CNBD2: variants seen among roughly 807,000 people sequenced by gnomAD.
The protein encoded by CNBD2 is cyclic nucleotide binding domain containing 2, also known as cyclic nucleotide-binding domain-containing protein 2.
A neutral mutation model predicts 63.7 loss-of-function variants in CNBD2; 64 were observed. The ratio of observed to expected loss-of-function variants is 1.00; its 90% CI spans 0.82 to 1.24. The LOEUF is 1.24. Among genes scored for constraint, CNBD2 ranks in the 50% most tolerant of loss-of-function variants. The probability of loss-of-function intolerance (pLI) is 0.00; values close to 1 mark genes in which losing one functional copy is unlikely to be tolerated. For missense variants in CNBD2, 691 were observed against 713.5 expected (o/e 0.97, Z 0.36); for synonymous variants, 229 against 255.4 (o/e 0.90, Z 0.99).
At chr20:36,011,408 C>A in intron 10 of CNBD2, 151 bp downstream of exon 10, 3 of 1,039,896 alleles carry the variant, frequency 2.9e-6, no homozygotes, top group Non-Finnish European at 3.8e-6. Context: ...AAGAATAGGC[C>A]GGGCGCGGTG....
chr20:35,984,670 T>C lies in CNBD2; in HGVS notation c.608T>C (p.Val203Ala). Reference protein sequence around the residue: ...LHASVRRSTIVCMEETEFLVV... With the variant: ...LHASVRRSTIACMEETEFLVV... ...GCTTCAGTGAGGAGGTCCACCATCG[T>C]CTGTATGGAAGAAACGGAGTTCCTG... Residue 203 changes from valine (V) to alanine (A), a missense_variant, in exon 6 of 12, where the codon GTC becomes GCC. By Grantham distance (64) the Val-to-Ala change is moderately conservative (BLOSUM62 0). Transcript: ENST00000373973. 1 of 1,614,166 alleles carries C rather than the reference T, an allele frequency of 6.2e-7. No individual in the cohort carries two copies. The highest frequency in any genetic ancestry group is 8.5e-7 in the Non-Finnish European group (1 of 1,180,024).
intron 8 of CNBD2, among the ~76,000 whole-genome samples, chr20:36,006,162 G>C (rs902027191): frequency 2.6e-5 from 4 of 151,126 alleles, no homozygotes; most frequent in Non-Finnish European, 5.9e-5. Flanking sequence ...TGGAGTAGCT[G>C]GGATTACAGG....
chr20:36,011,899 A>G (rs1421184129), intron 10 of CNBD2, among the ~76,000 whole-genome samples: 2 of 152,214 alleles, frequency 1.3e-5, no homozygotes, highest in East Asian at 3.9e-4. Context: ...AGCTGGGCAC[A>G]GTAGCCCCAG....
chr20:35,979,813 G>A (rs555196461), intron 3 of CNBD2, among the ~76,000 whole-genome samples: 12 of 152,294 alleles, frequency 7.9e-5, no homozygotes, highest in African/African-American at 2.2e-4. Flanking sequence ...AGACAGAGCC[G>A]AGCTTAGCAC....
upstream of CNBD2, among the ~76,000 whole-genome samples, chr20:35,967,105 C>A (rs1346496713): frequency 6.6e-6 from 1 of 152,136 alleles, no homozygotes; most frequent in African/African-American, 2.4e-5. Context: ...GAGACAAGGC[C>A]ACTTTACAAC....
At chr20:36,019,032 C>T (rs2794378) in intron 10 of CNBD2, among the ~76,000 whole-genome samples, 4,943 of 152,190 alleles carry the variant, frequency 0.032, 281 homozygotes, top group African/African-American at 0.11. Flanking sequence ...AGTAGACTGA[C>T]GTAATTCCTG....
chr20:36,022,220 G>C (rs1260400264), intron 10 of CNBD2, among the ~76,000 whole-genome samples: 3 of 56,014 alleles, frequency 5.4e-5, no homozygotes, highest in Non-Finnish European at 8.1e-5. Context: ...TTTTTTTTGA[G>C]ATGGAGTCTC....
At chr20:35,977,617 G>A (rs1001674971) in intron 3 of CNBD2, among the ~76,000 whole-genome samples, 6 of 152,188 alleles carry the variant, frequency 3.9e-5, no homozygotes, top group African/African-American at 7.2e-5. Context: ...AATCGAGGTC[G>A]CAGTGAGCTA....
intron 8 of CNBD2, among the ~76,000 whole-genome samples, chr20:36,005,046 C>G (rs1413853838): frequency 1.3e-5 from 2 of 152,024 alleles, no homozygotes; most frequent in East Asian, 3.8e-4. Context: ...TTACCTTTTA[C>G]AGATATTTTG....
At chr20:35,984,874 C>A in intron 6 of CNBD2, 96 bp downstream of exon 6, 1 of 1,264,082 alleles carries the variant, frequency 7.9e-7, no homozygotes, top group Non-Finnish European at 1.1e-6. Context: ...ATACTGGTTG[C>A]TGTTCTCTCT....
At chr20:36,005,339 G>A (rs2056970054) in intron 8 of CNBD2, among the ~76,000 whole-genome samples, 1 of 152,136 alleles carries the variant, frequency 6.6e-6, no homozygotes, top group Non-Finnish European at 1.5e-5. Flanking sequence ...GTTCTCAATA[G>A]GGTTTGTGCT....
chr20:36,011,075 G>A (rs2057052498), intron 9 of CNBD2, 62 bp from the exon 10 acceptor site: 3 of 1,388,884 alleles, frequency 2.2e-6, no homozygotes, highest in Admixed American at 2.6e-5. Flanking sequence ...GGGCTGATTA[G>A]CCAGGGCCTC....
At chr20:35,960,822 C>T (rs13045097) in intron 2 of CNBD2, among the ~76,000 whole-genome samples, 1 of 137,584 alleles carries the variant, frequency 7.3e-6, no homozygotes, top group African/African-American at 2.9e-5. Flanking sequence ...CCTTCCCTTC[C>T]CTTCCCTTCT....
At chr20:36,022,442 C>T (rs184485742) in intron 10 of CNBD2, among the ~76,000 whole-genome samples, 435 of 152,104 alleles carry the variant, frequency 2.9e-3, no homozygotes, top group Non-Finnish European at 5.0e-3. Context: ...TCGTGATCCA[C>T]CCGCCTCAGC....
At chr20:35,991,656 T>G (rs2056747899) in intron 7 of CNBD2, among the ~76,000 whole-genome samples, 1 of 152,198 alleles carries the variant, frequency 6.6e-6, no homozygotes, top group Non-Finnish European at 1.5e-5. Flanking sequence ...ATCAGCATAA[T>G]GATTACATTC....
rs1385390998 is a variant in CNBD2, at chr20:35,972,680, A to T, written c.103A>T (p.Met35Leu). 3 of 1,614,076 alleles carry T rather than the reference A, an allele frequency of 1.9e-6. No homozygotes were observed. In the Admixed American group the frequency reaches 5.0e-5, roughly 27 times the overall value. ...CATCATAATGATCCGAGTGTGTAAA[A>T]TGTTCCGCCAAGGCCTCAGGGGATT... is the stretch of plus-strand genomic sequence containing the variant. ...DIIIMIRVCK[M>L]FRQGLRGFRE... The change falls in exon 2 of 12, where the codon ATG becomes TTG. Residue 35 changes from methionine to leucine, a missense_variant. Met to Leu is a conservative substitution (Grantham distance 15). Transcript: ENST00000373973.
intron 7 of CNBD2, among the ~76,000 whole-genome samples, chr20:35,990,400 A>G (rs1401081549): frequency 6.6e-6 from 1 of 152,180 alleles, no homozygotes; most frequent in East Asian, 1.9e-4. Context: ...GAAGGCTGAG[A>G]TGGATGGATC....
intron 9 of CNBD2, among the ~76,000 whole-genome samples, chr20:36,010,459 A>G (rs1255335294): frequency 1.3e-5 from 2 of 151,220 alleles, no homozygotes; most frequent in Non-Finnish European, 2.9e-5. Flanking sequence ...AAAAAAAAAA[A>G]AAAGAAAAGA....
intron 8 of CNBD2, among the ~76,000 whole-genome samples, chr20:35,996,514 T>C (rs866309721): frequency 2.0e-3 from 296 of 151,322 alleles, no homozygotes; most frequent in African/African-American, 6.9e-3. Flanking sequence ...TTTTGTTTTT[T>C]TTTTTTTTTT....
Sources: gnomAD v4.1 joint callset for allele counts (sites outside exome capture counted in the v4.1 genomes callset) on GRCh38, gnomAD v4.1.1 for gene constraint, MANE v1.5 for transcripts, NCBI Gene and HGNC (gene_info 2026-07-23, HGNC 2026-07-21) for gene names.